The following CNBD1 variants were observed in gnomAD, a reference collection of about 807,000 sequenced individuals.
The protein encoded by CNBD1 is cyclic nucleotide binding domain containing 1, also known as cyclic nucleotide-binding domain-containing protein 1.
CNBD1 carries 71 observed loss-of-function variants against 54.4 expected under a neutral mutation model. The ratio of observed to expected loss-of-function variants is 1.30; its 90% CI spans 1.08 to 1.59. The LOEUF (loss-of-function observed/expected upper bound fraction) is 1.59, where lower values mean the gene tolerates loss of function less well. CNBD1 is among the 40% of genes most tolerant of loss of function. CNBD1 has a pLI of 0.00. For synonymous variants in CNBD1, 182 were observed against 170.7 expected (o/e 1.07, Z -0.51); for missense variants, 659 against 518.0 (o/e 1.27, Z -2.64).
At chr8:87,081,371 T>C (rs1810987069) in intron 4 of CNBD1, among the ~76,000 whole-genome samples, 1 of 152,196 alleles carries the variant, frequency 6.6e-6, no homozygotes, top group Non-Finnish European at 1.5e-5. Flanking sequence ...ATACTTCACA[T>C]GATGTGTTTT....
At chr8:87,427,427 C>T (rs1236425121) in intron 2 of CNBD1, among the ~76,000 whole-genome samples, 2 of 151,924 alleles carry the variant, frequency 1.3e-5, no homozygotes, top group African/African-American at 2.4e-5. Context: ...AATAGGTTTA[C>T]CGATATGTAG....
intron 4 of CNBD1, among the ~76,000 whole-genome samples, chr8:87,059,046 A>G (rs1296292324): frequency 6.6e-6 from 1 of 152,182 alleles, no homozygotes; most frequent in African/African-American, 2.4e-5. Context: ...AATGTTTCAC[A>G]GATCTCTAGG....
chr8:87,366,552 C>T (rs1424622806), intron 10 of CNBD1, among the ~76,000 whole-genome samples: 1 of 152,040 alleles, frequency 6.6e-6, no homozygotes, highest in Non-Finnish European at 1.5e-5. Context: ...GATAACCTGC[C>T]TATTTTAAGG....
intron 5 of CNBD1, among the ~76,000 whole-genome samples, chr8:87,222,231 G>T (rs1687240355): frequency 6.6e-6 from 1 of 152,038 alleles, no homozygotes; most frequent in African/African-American, 2.4e-5. Context: ...AAAAAGAGTT[G>T]ATCTTCAAAT....
intron 8 of CNBD1, among the ~76,000 whole-genome samples, chr8:87,306,900 A>G (rs1291976891): frequency 6.6e-6 from 1 of 152,160 alleles, no homozygotes; most frequent in Non-Finnish European, 1.5e-5. Flanking sequence ...GTACCCAAAT[A>G]ATTTACGGAA....
At chr8:87,134,456 C>T (rs999861884) in intron 4 of CNBD1, among the ~76,000 whole-genome samples, 7 of 152,018 alleles carry the variant, frequency 4.6e-5, no homozygotes, top group African/African-American at 9.6e-5. Context: ...TTAAGTTCTG[C>T]GTTTCTAATT....
chr8:87,397,456 G>A (rs545312019), intron 2 of CNBD1, among the ~76,000 whole-genome samples: 1 of 151,886 alleles, frequency 6.6e-6, no homozygotes, highest in South Asian at 2.1e-4. Context: ...CTAAGTGCTG[G>A]GAAATGTTGA....
chr8:87,258,357 G>C (rs1165114753), intron 6 of CNBD1, among the ~76,000 whole-genome samples: 2 of 152,020 alleles, frequency 1.3e-5, no homozygotes, highest in Admixed American at 6.6e-5. Context: ...TCTGTCTTTT[G>C]TCTTTCCCTT....
chr8:87,428,510 A>G (rs184733717), intron 2 of CNBD1: 250 of 410,264 alleles, frequency 6.1e-4, no homozygotes, highest in African/African-American at 4.6e-3. Flanking sequence ...TTATTTTTTT[A>G]TGATATTCTA....
intron 4 of CNBD1, among the ~76,000 whole-genome samples, chr8:87,080,585 T>TA (rs1810971096): frequency 6.7e-6 from 1 of 149,700 alleles, no homozygotes; most frequent in East Asian, 1.9e-4. Context: ...AAAAAAAAAA[T>TA]AGATTTTTGA....
rs1330861355 is a variant in CNBD1, at chr8:87,324,198, G to A, written c.1043-27487G>A. 9.4e-5 allele frequency among the ~76,000 whole-genome samples: 12 copies of A among 127,006 alleles called. 1 individual carries two copies. Among genetic ancestry groups the A allele is most frequent in the South Asian group, 2.3e-4 (1 of 4,288 alleles). 83.3% of individuals were successfully genotyped at this position (127,006 alleles called of 152,430 possible). A position where few individuals can be genotyped will look rare whatever the true frequency, so the allele number is the denominator to read the frequency against. ...AGCTTTTTGATGTGCTGCTGGATTC[G>A]GTTTGCCAGTATTTTATTGAGGATT... On this transcript the variant is annotated intron_variant, in intron 8 of 10. Transcript: ENST00000518476.
chr8:86,937,727 T>C (rs898194714), intron 3 of CNBD1, among the ~76,000 whole-genome samples: 4 of 104,278 alleles, frequency 3.8e-5, no homozygotes, highest in African/African-American at 1.2e-4. Context: ...GCGAGACCCA[T>C]GAAACCATTT....
At chr8:87,050,562 T>C (rs1810290928) in intron 4 of CNBD1, among the ~76,000 whole-genome samples, 1 of 152,170 alleles carries the variant, frequency 6.6e-6, no homozygotes. Context: ...TCCAGGTTAG[T>C]TGGGCAGTCT....
At chr8:87,276,253 C>A (rs1490958006) in intron 6 of CNBD1, among the ~76,000 whole-genome samples, 1 of 151,708 alleles carries the variant, frequency 6.6e-6, no homozygotes, top group African/African-American at 2.4e-5. Flanking sequence ...CCAATGCCTT[C>A]CTTTTATTAA....
intron 8 of CNBD1, among the ~76,000 whole-genome samples, chr8:87,316,268 AAT>A (rs1218167435): frequency 1.3e-5 from 2 of 152,040 alleles, no homozygotes; most frequent in African/African-American, 4.8e-5. Flanking sequence ...GGTGAAGAGA[AAT>A]ACAATTAGAA....
chr8:87,190,635 G>A (rs1006271969), intron 4 of CNBD1, among the ~76,000 whole-genome samples: 5 of 151,972 alleles, frequency 3.3e-5, no homozygotes, highest in East Asian at 1.9e-4. Flanking sequence ...AGGTAATGAC[G>A]CTTAAGCTTT....
intron 4 of CNBD1, among the ~76,000 whole-genome samples, chr8:87,018,534 T>A (rs1009255544): frequency 6.6e-6 from 1 of 152,220 alleles, no homozygotes; most frequent in Non-Finnish European, 1.5e-5. Context: ...TTTCTTCATA[T>A]TTTTAGTTGG....
intron 4 of CNBD1, among the ~76,000 whole-genome samples, chr8:86,948,694 C>T: frequency 6.6e-6 from 1 of 152,072 alleles, no homozygotes; most frequent in Non-Finnish European, 1.5e-5. Context: ...CAAATATTTT[C>T]CCCCATTCTG....
At chr8:87,057,538 C>T (rs1410653492) in intron 4 of CNBD1, among the ~76,000 whole-genome samples, 1 of 152,178 alleles carries the variant, frequency 6.6e-6, no homozygotes, top group African/African-American at 2.4e-5. Context: ...TTCCACATGT[C>T]ATGTCCTCAC....
Sources: allele counts gnomAD v4.1 joint callset (sites outside exome capture counted in the v4.1 genomes callset), GRCh38; gene constraint gnomAD v4.1.1; transcripts MANE v1.5; gene names NCBI Gene and HGNC (gene_info 2026-07-23, HGNC 2026-07-21).